KLHL31: variants seen among roughly 807,000 people sequenced by gnomAD.
KLHL31 encodes kelch like family member 31, also known as kelch-like protein 31.
Under a neutral mutation model 47.1 loss-of-function variants are expected in KLHL31, and 32 were observed. That is an observed-to-expected ratio of 0.68 (90% CI 0.51 to 0.91). The LOEUF (loss-of-function observed/expected upper bound fraction) is 0.91. Among genes scored for constraint, KLHL31 ranks in the 40% least tolerant of loss-of-function variants. KLHL31 has a pLI of 0.00. For missense variants in KLHL31, 797 were observed against 819.3 expected (o/e 0.97, Z 0.33); for synonymous variants, 330 against 325.1 (o/e 1.01, Z -0.16).
chr6:53,664,988 C>G (rs1764698430), intron 1 of KLHL31, among the ~76,000 whole-genome samples: 1 of 151,930 alleles, frequency 6.6e-6, no homozygotes, highest in Non-Finnish European at 1.5e-5. Flanking sequence ...AAATATATGT[C>G]AGCATAATGA....
At chr6:53,665,388 C>T (rs115625205) in intron 1 of KLHL31, among the ~76,000 whole-genome samples, 296 of 152,282 alleles carry the variant, frequency 1.9e-3, no homozygotes, top group African/African-American at 6.6e-3. Context: ...GTGAAGTTCT[C>T]CTAACACGTT....
In KLHL31 at chr6:53,651,630, T is replaced by C. The variant is rs745549645; in HGVS notation, c.1873A>G (p.Ser625Gly). ...CTGACTGGCACAGAAGATACCGAAC[T>C]GGCCCGGGATTCCCGAGTCACGTTG... ...PNNVTRESRA[S>G]SVSSVPVSI The change falls in exon 3 of 3, where the codon AGT (serine) becomes GGT (glycine). Residue 625 changes from serine to glycine, a missense_variant. Coordinates refer to ENST00000370905, the MANE Select transcript of KLHL31 (RefSeq NM_001003760.5). The C allele has an allele frequency of 1.2e-6, 2 of 1,614,074 alleles. No homozygotes were observed. The highest frequency in any genetic ancestry group is 3.3e-5 in the Admixed American group (2 of 60,020).
chr6:53,655,056 A>G lies in KLHL31; in HGVS notation c.217T>C (p.Cys73Arg). The change falls in exon 2 of 3, where the codon TGT becomes CGT. Residue 73 changes from cysteine to arginine, a missense_variant. Transcript: ENST00000370905. ...GTTTTGGTACCAATGACTAAGTCACATAGGAAGTTCTCCTGCCGCATTTTA... is the reference window on the plus strand; with the variant it reads ...GTTTTGGTACCAATGACTAAGTCACGTAGGAAGTTCTCCTGCCGCATTTTA... Reference protein sequence around the residue: ...LSKMRQENFLCDLVIGTKTKS... With the variant: ...LSKMRQENFLRDLVIGTKTKS... 6.2e-7 allele frequency: 1 copy of G among 1,614,068 alleles called. No homozygotes were observed.
intron 1 of KLHL31, among the ~76,000 whole-genome samples, chr6:53,656,655 T>A (rs890838502): frequency 3.3e-5 from 5 of 152,168 alleles, no homozygotes; most frequent in African/African-American, 4.8e-5. Context: ...ACTGATTTGC[T>A]ACTCTATATA....
chr6:53,652,010 T>C lies in KLHL31; in HGVS notation c.1493A>G (p.Asn498Ser), dbSNP rs1333148582. 3.1e-6 allele frequency: 5 copies of C among 1,591,746 alleles called. No individual in the cohort carries two copies. Among genetic ancestry groups the C allele is most frequent in the Non-Finnish European group, 4.3e-6 (5 of 1,175,150 alleles). Reference protein sequence around the residue: ...PASDSWQELPNLSTPRGWHCA... With the variant: ...PASDSWQELPSLSTPRGWHCA... ...GTGCCAGCCCCGGGGTGTGCTGAGG[T>C]TCGGCAGCTCCTGCCACGAGTCGCT... The change falls in exon 3 of 3, where the codon AAC (asparagine) becomes AGC (serine). Residue 498 changes from asparagine to serine, a missense_variant. Transcript: ENST00000370905.
At chr6:53,655,493 T>C (rs1321868401) in intron 1 of KLHL31, among the ~76,000 whole-genome samples, 188 bp from the exon 2 acceptor site, 1 of 152,230 alleles carries the variant, frequency 6.6e-6, no homozygotes, top group Non-Finnish European at 1.5e-5. Context: ...GCATGAAGCA[T>C]TGAAGACAAT....
At position 53,651,870 on chromosome 6, in the gene KLHL31, A is replaced by T; in HGVS notation, c.1633T>A (p.Trp545Arg). Residue 545 changes from tryptophan (W) to arginine (R), a missense_variant, in exon 3 of 3, where the codon TGG (tryptophan) becomes AGG (arginine). Coordinates refer to ENST00000370905, the MANE Select transcript of KLHL31 (RefSeq NM_001003760.5). The part of the protein sequence containing the change: ...VECYSPATGQ[W>R]SYAAPLQVGV... Reference sequence around the variant, plus strand: ...ACCTGCAGCGGCGCCGCGTAGCTCCACTGGCCGGTCGCGGGGCTGTAGCAC... The same window carrying T: ...ACCTGCAGCGGCGCCGCGTAGCTCCTCTGGCCGGTCGCGGGGCTGTAGCAC... 1 of 1,601,202 alleles carries T rather than the reference A, an allele frequency of 6.2e-7. No individual in the cohort carries two copies. Among genetic ancestry groups the T allele is most frequent in the Non-Finnish European group, 8.5e-7 (1 of 1,178,006 alleles).
In KLHL31 at chr6:53,652,040, G is replaced by A. The variant is rs1183288716; in HGVS notation, c.1463C>T (p.Pro488Leu). Residue 488 changes from proline to leucine, a missense_variant, in exon 3 of 3, where the codon CCG becomes CTG. Coordinates refer to ENST00000370905, the MANE Select transcript of KLHL31 (RefSeq NM_001003760.5). Reference sequence around the variant, plus strand: ...CAGCTCCTGCCACGAGTCGCTGGCCGGGTCGTAGGCGCACACAGAGCGCGA... The same window carrying A: ...CAGCTCCTGCCACGAGTCGCTGGCCAGGTCGTAGGCGCACACAGAGCGCGA... ...AYSRSVCAYD[P>L]ASDSWQELPN... 28 of 1,593,234 alleles carry A rather than the reference G, an allele frequency of 1.8e-5. No individual in the cohort carries two copies. The highest frequency in any genetic ancestry group is 2.4e-5 in the Non-Finnish European group (28 of 1,175,626).
At chr6:53,662,601 G>A (rs1388257682) in intron 1 of KLHL31, among the ~76,000 whole-genome samples, 1 of 152,118 alleles carries the variant, frequency 6.6e-6, no homozygotes, top group Admixed American at 6.5e-5. Flanking sequence ...TCCCTCTGCT[G>A]TATCTGCTAT....
intron 1 of KLHL31, among the ~76,000 whole-genome samples, chr6:53,663,131 T>C (rs1185587573): frequency 6.6e-6 from 1 of 152,192 alleles, no homozygotes; most frequent in Non-Finnish European, 1.5e-5. Flanking sequence ...CAGTGTGTGC[T>C]GGGGCAAAAT....
At chr6:53,662,710 T>C (rs78684814) in intron 1 of KLHL31, among the ~76,000 whole-genome samples, 8,090 of 152,288 alleles carry the variant, frequency 0.053, 289 homozygotes, top group East Asian at 0.091. Flanking sequence ...TCCCCATGCC[T>C]ACTGCAGATC....
In KLHL31 at chr6:53,652,168, C is replaced by T. The variant is rs1266813806; in HGVS notation, c.1335G>A (p.Gln445=). The T allele has an allele frequency of 1.9e-6, 3 of 1,608,498 alleles. No individual in the cohort carries two copies. Among genetic ancestry groups the T allele is most frequent in the Non-Finnish European group, 2.5e-6 (3 of 1,179,388 alleles). Residue 445 remains glutamine, a synonymous_variant, in exon 3 of 3, where the codon CAG becomes CAA. Coordinates refer to ENST00000370905, the MANE Select transcript of KLHL31 (RefSeq NM_001003760.5). ...SLECYVPSTN[Q]WQPKTPLEVA... is the part of the protein sequence containing the mutation. ...CCTCCAGGGGCGTCTTCGGCTGCCA[C>T]TGATTGGTGGAGGGCACGTAGCACT... is the stretch of plus-strand genomic sequence containing the variant.
intron 1 of KLHL31, among the ~76,000 whole-genome samples, chr6:53,665,099 T>C (rs1764700387): frequency 6.6e-6 from 1 of 152,124 alleles, no homozygotes; most frequent in Non-Finnish European, 1.5e-5. Context: ...GTTATATTTC[T>C]GGGAATTCAG....
intron 2 of KLHL31, 166 bp from the exon 3 acceptor site, chr6:53,652,496 A>C (rs531435427): frequency 1.3e-6 from 1 of 764,742 alleles, no homozygotes; most frequent in East Asian, 2.6e-5. Context: ...GCCAGTAAAA[A>C]TGTGTGACAC....
intron 1 of KLHL31, among the ~76,000 whole-genome samples, chr6:53,660,010 G>A (rs555933513): frequency 3.9e-5 from 6 of 152,108 alleles, no homozygotes; most frequent in African/African-American, 9.6e-5. Flanking sequence ...AGTCTCTTGC[G>A]CTTGTCCTAT....
At chr6:53,662,711 A>G (rs1764665070) in intron 1 of KLHL31, among the ~76,000 whole-genome samples, 1 of 152,210 alleles carries the variant, frequency 6.6e-6, no homozygotes, top group Admixed American at 6.5e-5. Flanking sequence ...CCCCATGCCT[A>G]CTGCAGATCC....
Position 53,651,544 on chromosome 6 carries a change from G to A in KLHL31, c.*54C>T. ...TTTCGCGAACTCAGAGGTTAACCACGTGGCTCTACGAATAAATAACGTGTT... is the reference window on the plus strand; with the variant it reads ...TTTCGCGAACTCAGAGGTTAACCACATGGCTCTACGAATAAATAACGTGTT... On this transcript the variant is annotated 3_prime_UTR_variant, in exon 3 of 3. Transcript: ENST00000370905. 6.4e-7 allele frequency: 1 copy of A among 1,559,980 alleles called. No individual in the cohort carries two copies. The highest frequency in any genetic ancestry group is 1.2e-5 in the South Asian group (1 of 83,348).
chr6:53,654,931 A>C lies in KLHL31; in HGVS notation c.342T>G (p.Asn114Lys). The change falls in exon 2 of 3, where the codon AAT (asparagine) becomes AAG (lysine). Residue 114 changes from asparagine to lysine, a missense_variant. Coordinates refer to ENST00000370905, the MANE Select transcript of KLHL31 (RefSeq NM_001003760.5). Reference sequence around the variant, plus strand: ...TGGCCAGGCCTAGTGGTGAGATATCATTGAGATCCACCCTCTGAATTGACG... The same window carrying C: ...TGGCCAGGCCTAGTGGTGAGATATCCTTGAGATCCACCCTCTGAATTGACG... ...KDPSIQRVDL[N>K]DISPLGLATV... The C allele has an allele frequency of 1.2e-6, 2 of 1,614,140 alleles. No individual in the cohort carries two copies. The highest frequency in any genetic ancestry group is 1.7e-6 in the Non-Finnish European group (2 of 1,179,950).
At chr6:53,660,476 C>A (rs1764628747) in intron 1 of KLHL31, among the ~76,000 whole-genome samples, 1 of 151,966 alleles carries the variant, frequency 6.6e-6, no homozygotes, top group Non-Finnish European at 1.5e-5. Flanking sequence ...TAGCTCTCTC[C>A]AAAATGAGGA....
Sources: allele counts gnomAD v4.1 joint callset (sites outside exome capture counted in the v4.1 genomes callset), GRCh38; gene constraint gnomAD v4.1.1; transcripts MANE v1.5; gene names NCBI Gene and HGNC (gene_info 2026-07-23, HGNC 2026-07-21).